The following ZNF365 variants were observed in gnomAD, a reference collection of about 807,000 sequenced individuals.
ZNF365 encodes the protein zinc finger protein 365.
A neutral mutation model predicts 35.0 loss-of-function variants in ZNF365; 22 were observed. That is an observed-to-expected ratio of 0.63 (90% confidence interval 0.45 to 0.90). The LOEUF is 0.90. Ranked by LOEUF, ZNF365 falls within the 40% of genes least tolerant of loss-of-function variation. The pLI is 0.00. For synonymous variants in ZNF365, 188 were observed against 196.2 expected (o/e 0.96, Z 0.35); for missense variants, 448 against 500.3 (o/e 0.90, Z 1.00).
intron 4 of ZNF365, chr10:62,479,745 T>A (rs1841191323): frequency 4.5e-6 from 3 of 673,660 alleles, no homozygotes; most frequent in Non-Finnish European, 8.0e-6. Context: ...TGGCAGCACA[T>A]AAGTGAAGAG....
chr10:62,394,353 T>C (rs1341735175), intron 3 of ZNF365, among the ~76,000 whole-genome samples: 7 of 152,250 alleles, frequency 4.6e-5, no homozygotes, highest in Non-Finnish European at 7.3e-5. Flanking sequence ...TCAGTAATTG[T>C]GTCCCCCTCC....
At chr10:62,442,942 C>T (rs1840525603) in intron 3 of ZNF365, among the ~76,000 whole-genome samples, 1 of 152,192 alleles carries the variant, frequency 6.6e-6, no homozygotes, top group Non-Finnish European at 1.5e-5. Context: ...GCACCATTAG[C>T]TTTAGAATTG....
At chr10:62,467,387 A>C (rs1449107995) in intron 4 of ZNF365, among the ~76,000 whole-genome samples, 1 of 152,232 alleles carries the variant, frequency 6.6e-6, no homozygotes, top group Admixed American at 6.5e-5. Context: ...TTATCCAGTT[A>C]GAGGGCTGAG....
rs1055066911 is a variant in ZNF365 at position 62,383,157 on chromosome 10, T to C, written c.744-5239T>C. Among the ~76,000 whole-genome samples the C allele has an allele frequency of 2.0e-5, 3 of 152,230 alleles. No individual in the cohort carries two copies. The East Asian group carries it at 5.8e-4, about 29-fold the overall frequency. ...GAGATATAGTTGCACATTTCATGCATTCAGCAGAAATGCATTAATCCTGTA... is the reference window on the plus strand; with the variant it reads ...GAGATATAGTTGCACATTTCATGCACTCAGCAGAAATGCATTAATCCTGTA... On this transcript the variant is annotated intron_variant, in intron 2 of 4. Transcript: ENST00000395254.
At chr10:62,450,959 T>C (rs759344974) in intron 3 of ZNF365, among the ~76,000 whole-genome samples, 2 of 152,142 alleles carry the variant, frequency 1.3e-5, no homozygotes, top group Non-Finnish European at 2.9e-5. Context: ...AAACCAACCG[T>C]TTTTGAACAA....
chr10:62,390,709 A>T (rs1190273475), intron 3 of ZNF365, among the ~76,000 whole-genome samples: 1 of 152,214 alleles, frequency 6.6e-6, no homozygotes, highest in East Asian at 1.9e-4. Flanking sequence ...TATTTACACA[A>T]ACCTACATGG....
intron 3 of ZNF365, among the ~76,000 whole-genome samples, chr10:62,452,977 A>C (rs941381373): frequency 5.9e-5 from 9 of 152,302 alleles, no homozygotes; most frequent in African/African-American, 2.2e-4. Flanking sequence ...TGGCTTAGGG[A>C]GATTTATTGG....
rs372145705 is a variant in ZNF365, at chr10:62,399,519, C to T, written c.963-9C>T. ...TCTCTTCTCCACTCCCCCCTCCAAC[C>T]CTCTGTAGAAGCCGAGGGCACCCGC... On this transcript the variant is annotated splice_polypyrimidine_tract_variant and intron_variant, in intron 4 of 4. Coordinates refer to ENST00000395254, the MANE Select transcript of ZNF365 (RefSeq NM_014951.3). The T allele has an allele frequency of 1.7e-5, 27 of 1,613,462 alleles. 1 individual carries two copies. Among genetic ancestry groups the T allele is most frequent in the African/African-American group, 1.1e-4 (8 of 74,860 alleles).
chr10:62,392,129 G>T (rs1228240707), intron 3 of ZNF365, among the ~76,000 whole-genome samples: 1 of 152,076 alleles, frequency 6.6e-6, no homozygotes, highest in African/African-American at 2.4e-5. Flanking sequence ...TGAGTTCCTT[G>T]TAGATTCTGG....
chr10:62,432,408 C>A (rs1253536403), intron 3 of ZNF365, among the ~76,000 whole-genome samples: 2 of 152,250 alleles, frequency 1.3e-5, no homozygotes, highest in Non-Finnish European at 2.9e-5. Flanking sequence ...CAGGAAGCAA[C>A]CTTAGGAATG....
chr10:62,472,146 T>C (rs1489327551), intron 4 of ZNF365, among the ~76,000 whole-genome samples: 3 of 152,216 alleles, frequency 2.0e-5, no homozygotes, highest in Non-Finnish European at 4.4e-5. Flanking sequence ...GTTTTCCAAG[T>C]GGTGCCCTTC....
At chr10:62,440,198 T>C (rs1426976507) in intron 3 of ZNF365, among the ~76,000 whole-genome samples, 6 of 151,972 alleles carry the variant, frequency 3.9e-5, no homozygotes, top group African/African-American at 9.7e-5. Flanking sequence ...ATTTATTTAT[T>C]TATTTTTGTA....
intron 3 of ZNF365, among the ~76,000 whole-genome samples, chr10:62,449,908 G>A (rs867174787): frequency 4.0e-5 from 6 of 151,460 alleles, no homozygotes; most frequent in Admixed American, 1.3e-4. Context: ...AAGTGAATGA[G>A]GCAACTAATG....
chr10:62,422,381 C>T (rs1057443121), intron 3 of ZNF365, among the ~76,000 whole-genome samples: 9 of 152,124 alleles, frequency 5.9e-5, no homozygotes, highest in African/African-American at 2.2e-4. Context: ...GCAACATTCC[C>T]CACTTTTGAG....
chr10:62,459,088 G>A (rs1278861959), intron 3 of ZNF365, among the ~76,000 whole-genome samples: 1 of 152,204 alleles, frequency 6.6e-6, no homozygotes, highest in Non-Finnish European at 1.5e-5. Flanking sequence ...TACATTTACT[G>A]TATGCCAATA....
Position 62,376,790 on chromosome 10 carries a change from A to C in ZNF365, c.597A>C (p.Ala199=), listed in dbSNP as rs759085564. 1 of 1,614,232 alleles carries C rather than the reference A, an allele frequency of 6.2e-7. No individual in the cohort carries two copies. Among genetic ancestry groups the C allele is most frequent in the South Asian group, 1.1e-5 (1 of 91,088 alleles). The change falls in exon 2 of 5, where the codon GCA becomes GCC. Residue 199 remains alanine (A), a synonymous_variant. Transcript: ENST00000395254. ...CTGCGGAACTGTTGGAAGTTCGGGC[A>C]GCTTTTGTGCAGCTGACTCAGAAAA... ...QKTAELLEVR[A]AFVQLTQKKQ... is the part of the protein sequence containing the mutation.
At chr10:62,430,785 G>T (rs1840323086) in intron 3 of ZNF365, among the ~76,000 whole-genome samples, 2 of 152,178 alleles carry the variant, frequency 1.3e-5, no homozygotes, top group African/African-American at 2.4e-5. Flanking sequence ...TGGATAGCTT[G>T]CTGGGTGGAA....
In ZNF365 at chr10:62,389,047, T is replaced by C. The variant is rs937706213; in HGVS notation, c.924+471T>C. On this transcript the variant is annotated intron_variant, in intron 3 of 4. Transcript: ENST00000395254. ...TTCAACAGTCTCTATAAGTTAAAAT[T>C]CTTCATATAGATTTTCAAAAAGACT... is the stretch of plus-strand genomic sequence containing the variant. Among the ~76,000 whole-genome samples the C allele has an allele frequency of 6.6e-5, 10 of 152,244 alleles. No individual in the cohort carries two copies. In the East Asian group the frequency reaches 1.5e-3, roughly 23 times the overall value.
chr10:62,450,407 C>T (rs1564594477), intron 3 of ZNF365, among the ~76,000 whole-genome samples: 1 of 152,158 alleles, frequency 6.6e-6, no homozygotes, highest in African/African-American at 2.4e-5. Context: ...CACACAGTTA[C>T]CGTGTGAACT....
Sources: allele counts gnomAD v4.1 joint callset (sites outside exome capture counted in the v4.1 genomes callset), GRCh38; gene constraint gnomAD v4.1.1; transcripts MANE v1.5; gene names NCBI Gene and HGNC (gene_info 2026-07-23, HGNC 2026-07-21).